Variants in SH3GLB1 observed in about 807,000 individuals in gnomAD.
The protein encoded by SH3GLB1 is endophilin-B1.
Under a neutral mutation model 42.0 loss-of-function variants are expected in SH3GLB1, and 17 were observed. The observed-to-expected ratio is 0.40, with a 90% CI of 0.28 to 0.61. SH3GLB1 has a LOEUF of 0.61. Ranked by LOEUF, SH3GLB1 falls within the 20% of genes least tolerant of loss-of-function variation. SH3GLB1 has a pLI of 0.36. For missense variants in SH3GLB1, 355 were observed against 426.3 expected (o/e 0.83, Z 1.47); for synonymous variants, 132 against 146.6 (o/e 0.90, Z 0.72).
At position 86,744,837 on chromosome 1, in the gene SH3GLB1, C is replaced by T. The variant is rs1336418390; in HGVS notation, c.*1602C>T. 2 of 152,172 alleles carry T rather than the reference C, an allele frequency of 1.3e-5. No individual in the cohort carries two copies. The highest frequency in any genetic ancestry group is 2.9e-5 in the Non-Finnish European group (2 of 68,032). 9.4% of individuals were successfully genotyped at this position (152,172 alleles called of 1,614,324 possible). The stretch of plus-strand genomic sequence containing the variant: ...ACCCTTTTATTTCTGTGCCATGAGA[C>T]AAATTCTTCTGCAGTTTTATAGTTG... On this transcript the variant is annotated 3_prime_UTR_variant, in exon 9 of 9. Transcript: ENST00000370558.
chr1:86,722,358 C>T (rs542605655), intron 3 of SH3GLB1, among the ~76,000 whole-genome samples, 182 bp from the exon 4 acceptor site: 2 of 152,228 alleles, frequency 1.3e-5, no homozygotes, highest in East Asian at 3.9e-4. Flanking sequence ...CATTTAGACA[C>T]ATACTCTTAA....
intron 4 of SH3GLB1, among the ~76,000 whole-genome samples, chr1:86,722,990 G>A (rs567596379): frequency 1.1e-4 from 17 of 152,238 alleles, no homozygotes; most frequent in East Asian, 5.8e-4. Context: ...TATATATACC[G>A]TGTAGCTCTT....
At position 86,743,429 on chromosome 1, in the gene SH3GLB1, G is replaced by C. The variant is rs1029835760; in HGVS notation, c.*194G>C. ...ACAGAATTTATGTTAGAGCTTTCAT[G>C]CCAAGAATGTTTTCTTACAAAATTC... is the stretch of plus-strand genomic sequence containing the variant. On this transcript the variant is annotated 3_prime_UTR_variant, in exon 9 of 9. Coordinates refer to ENST00000370558, the MANE Select transcript of SH3GLB1 (RefSeq NM_016009.5). The C allele has an allele frequency of 2.2e-5, 8 of 360,874 alleles. No homozygotes were observed. The highest frequency in any genetic ancestry group is 1.7e-4 in the African/African-American group (8 of 47,580). 22.4% of individuals were successfully genotyped at this position (360,874 alleles called of 1,614,324 possible). A position where few individuals can be genotyped will look rare whatever the true frequency, so the allele number is the denominator to read the frequency against.
chr1:86,725,028 T>C (rs451660), intron 5 of SH3GLB1, among the ~76,000 whole-genome samples: 47,878 of 147,040 alleles, frequency 0.33, 10,313 homozygotes, highest in African/African-American at 0.62. Flanking sequence ...TTTAGCTATA[T>C]AGCTGCTGCT....
At chr1:86,715,467 C>T (rs1361372013) in intron 1 of SH3GLB1, among the ~76,000 whole-genome samples, 1 of 152,064 alleles carries the variant, frequency 6.6e-6, no homozygotes, top group Non-Finnish European at 1.5e-5. Flanking sequence ...CTTAGGTTTT[C>T]TGTAGAATTC....
intron 3 of SH3GLB1, among the ~76,000 whole-genome samples, chr1:86,720,600 T>C (rs557486489): frequency 6.6e-6 from 1 of 152,238 alleles, no homozygotes; most frequent in Non-Finnish European, 1.5e-5. Context: ...TTCAGTAGCT[T>C]CTTTTCCTGT....
chr1:86,717,295 A>C (rs949946235), intron 2 of SH3GLB1, among the ~76,000 whole-genome samples: 1 of 152,194 alleles, frequency 6.6e-6, no homozygotes, highest in Non-Finnish European at 1.5e-5. Context: ...TCTGAATGGG[A>C]AATAAGCTCA....
At chr1:86,705,026 G>A in intron 1 of SH3GLB1, 55 bp downstream of exon 1, 1 of 1,252,538 alleles carries the variant, frequency 8.0e-7, no homozygotes, top group Non-Finnish European at 1.1e-6. Flanking sequence ...GTTGAGGGAG[G>A]GGACCGCAGC....
intron 2 of SH3GLB1, among the ~76,000 whole-genome samples, chr1:86,716,182 C>T (rs977633106): frequency 1.2e-4 from 18 of 151,938 alleles, no homozygotes; most frequent in Non-Finnish European, 2.1e-4. Context: ...GAAGAATTGT[C>T]CCTAGATAAT....
chr1:86,738,643 T>G (rs774394175), intron 7 of SH3GLB1: 2 of 152,316 alleles, frequency 1.3e-5, no homozygotes, highest in Non-Finnish European at 1.5e-5. Flanking sequence ...TGCAAGGTTT[T>G]GTTTTGTTTT....
intron 5 of SH3GLB1, 100 bp from the exon 6 acceptor site, chr1:86,734,500 CTT>C (rs1318732046): frequency 1.2e-6 from 1 of 802,278 alleles, no homozygotes; most frequent in Admixed American, 2.5e-5. Context: ...CAGATTATAA[CTT>C]GAGGTTTGTT....
chr1:86,724,192 G>T (rs565564766), intron 4 of SH3GLB1, 121 bp from the exon 5 acceptor site: 1 of 595,764 alleles, frequency 1.7e-6, no homozygotes, highest in Non-Finnish European at 2.7e-6. Flanking sequence ...AGCCAATTTT[G>T]TAGTCATAGA....
intron 1 of SH3GLB1, among the ~76,000 whole-genome samples, chr1:86,706,329 T>A (rs1416317227): frequency 6.6e-6 from 1 of 152,196 alleles, no homozygotes; most frequent in Non-Finnish European, 1.5e-5. Flanking sequence ...TCTGGTTCAA[T>A]CTGAGCATTT....
In SH3GLB1 at chr1:86,732,208, T is replaced by A. The variant is rs113147734; in HGVS notation, c.571-2394T>A. Among the ~76,000 whole-genome samples, 8 of 152,350 alleles carry A rather than the reference T, an allele frequency of 5.3e-5. 1 individual carries two copies. Among genetic ancestry groups the A allele is most frequent in the African/African-American group, 1.7e-4 (7 of 41,586 alleles). Reference sequence around the variant, plus strand: ...CAGAAGCATTACCAAAATTTAGGGCTTACAGATACCCAATCTTGATATCGT... The same window carrying A: ...CAGAAGCATTACCAAAATTTAGGGCATACAGATACCCAATCTTGATATCGT... On this transcript the variant is annotated intron_variant, in intron 5 of 8. Coordinates refer to ENST00000370558, the MANE Select transcript of SH3GLB1 (RefSeq NM_016009.5).
At chr1:86,735,658 C>G (rs769300204) in intron 7 of SH3GLB1, among the ~76,000 whole-genome samples, 7 of 152,134 alleles carry the variant, frequency 4.6e-5, no homozygotes, top group Non-Finnish European at 8.8e-5. Flanking sequence ...ATGTAAAACA[C>G]AAAGCTCAAT....
chr1:86,745,113 C>T lies in SH3GLB1; in HGVS notation c.*1878C>T, dbSNP rs1208537203. On this transcript the variant is annotated 3_prime_UTR_variant, in exon 9 of 9. Coordinates refer to ENST00000370558, the MANE Select transcript of SH3GLB1 (RefSeq NM_016009.5). The stretch of plus-strand genomic sequence containing the variant: ...TAGGTTTATGGGAAATGTAGTAATA[C>T]AGGGGAAAGAATATCGGTAATGGAG... 1 of 152,180 alleles carries T rather than the reference C, an allele frequency of 6.6e-6. No homozygotes were observed. The highest frequency in any genetic ancestry group is 1.5e-5 in the Non-Finnish European group (1 of 68,030). 9.4% of individuals were successfully genotyped at this position (152,180 alleles called of 1,614,324 possible). A position where few individuals can be genotyped will look rare whatever the true frequency, so the allele number is the denominator to read the frequency against.
At position 86,722,526 on chromosome 1, in the gene SH3GLB1, T is replaced by C. The variant is rs773211547; in HGVS notation, c.344-14T>C. 6.4e-7 allele frequency: 1 copy of C among 1,560,822 alleles called. No homozygotes were observed. Among genetic ancestry groups the C allele is most frequent in the African/African-American group, 1.4e-5 (1 of 71,924 alleles). Reference sequence around the variant, plus strand: ...TACCAGACAATGATTTTTAAAAACATTTTTCCTTTGCAGGTAATGCCCTTA... The same window carrying C: ...TACCAGACAATGATTTTTAAAAACACTTTTCCTTTGCAGGTAATGCCCTTA... On this transcript the variant is annotated splice_polypyrimidine_tract_variant and intron_variant, in intron 3 of 8. Coordinates refer to ENST00000370558, the MANE Select transcript of SH3GLB1 (RefSeq NM_016009.5).
intron 1 of SH3GLB1, among the ~76,000 whole-genome samples, chr1:86,706,112 C>T (rs894047078): frequency 6.6e-6 from 1 of 152,166 alleles, no homozygotes; most frequent in African/African-American, 2.4e-5. Context: ...CAGTCTTTTC[C>T]ATAACTTTGC....
chr1:86,727,403 A>G (rs1420764361), intron 5 of SH3GLB1, among the ~76,000 whole-genome samples: 2 of 152,168 alleles, frequency 1.3e-5, no homozygotes, highest in South Asian at 2.1e-4. Flanking sequence ...CAGAGAAGCA[A>G]GAACAAAAAT....
Sources: gnomAD v4.1 joint callset for allele counts (sites outside exome capture counted in the v4.1 genomes callset) on GRCh38, gnomAD v4.1.1 for gene constraint, MANE v1.5 for transcripts, NCBI Gene and HGNC (gene_info 2026-07-23, HGNC 2026-07-21) for gene names.